The following HDAC9 variants were observed in gnomAD, a reference collection of about 807,000 sequenced individuals.
HDAC9 encodes MEF-2 interacting transcription repressor (MITR) protein.
A neutral mutation model predicts 139.4 loss-of-function variants in HDAC9; 41 were observed. The ratio of observed to expected loss-of-function variants is 0.29; its 90% CI spans 0.23 to 0.38. The LOEUF (loss-of-function observed/expected upper bound fraction) is 0.38, where lower values mean the gene tolerates loss of function less well. HDAC9 is among the 10% of genes least tolerant of loss of function. HDAC9 has a pLI of 1.00. For missense variants in HDAC9, 1,147 were observed against 1,297.0 expected (o/e 0.88, Z 1.78); for synonymous variants, 517 against 476.2 (o/e 1.09, Z -1.12).
At chr7:18,818,361 A>G (rs35993578) in intron 17 of HDAC9, among the ~76,000 whole-genome samples, 9,163 of 152,276 alleles carry the variant, frequency 0.06, 469 homozygotes, top group African/African-American at 0.14. Context: ...TATTATACAT[A>G]AAACATTTTT....
At chr7:18,900,233 C>A (rs901419896) in intron 22 of HDAC9, among the ~76,000 whole-genome samples, 9 of 152,132 alleles carry the variant, frequency 5.9e-5, no homozygotes, top group African/African-American at 1.2e-4. Context: ...TGCACCTATG[C>A]ATACTATCAT....
At position 18,859,440 on chromosome 7, in the gene HDAC9, GTTCT is replaced by G. The variant is rs146081414; in HGVS notation, c.2685-15028_2685-15025del. Among the ~76,000 whole-genome samples the G allele has an allele frequency of 5.3e-3, 802 of 151,930 alleles. 7 individuals carry two copies. The highest frequency in any genetic ancestry group is 0.018 in the African/African-American group (760 of 41,438). ...CTTCAGAACTCTATTCAGGCCCCAA[GTTCT>G]TTCTTTCTTCTCAGTCTCTTTCTGG... On this transcript the variant is annotated intron_variant, in intron 21 of 25. Coordinates refer to ENST00000686413, the MANE Select transcript of HDAC9 (RefSeq NM_178425.4).
chr7:18,853,394 G>C (rs1166571537), intron 21 of HDAC9, among the ~76,000 whole-genome samples: 1 of 152,066 alleles, frequency 6.6e-6, no homozygotes, highest in Non-Finnish European at 1.5e-5. Flanking sequence ...ATTCTGAAAA[G>C]AAAGTTTTTA....
chr7:18,279,042 A>C (rs1305110040), intron 2 of HDAC9, among the ~76,000 whole-genome samples: 1 of 152,208 alleles, frequency 6.6e-6, no homozygotes, highest in Non-Finnish European at 1.5e-5. Context: ...AAGATATCGG[A>C]CCAATCTCAG....
rs149472724 is a variant in HDAC9, at chr7:18,461,160, C to T, written c.-41-35102C>T. Among the ~76,000 whole-genome samples, 489 of 152,142 alleles carry T rather than the reference C, an allele frequency of 3.2e-3. 10 individuals are homozygous for T. The highest frequency in any genetic ancestry group is 0.02 in the Admixed American group (301 of 15,274). On this transcript the variant is annotated intron_variant, in intron 1 of 3. Coordinates refer to the HDAC9 transcript ENST00000413509. ...CACACATATATTTCTCTCAGACATACGCAGACTTTTCAGTCAGAAAAAAAA... is the reference window on the plus strand; with the variant it reads ...CACACATATATTTCTCTCAGACATATGCAGACTTTTCAGTCAGAAAAAAAA...
At chr7:18,675,630 CA>C (rs1050374523) in intron 12 of HDAC9, among the ~76,000 whole-genome samples, 12 of 151,664 alleles carry the variant, frequency 7.9e-5, no homozygotes, top group Non-Finnish European at 1.3e-4. Flanking sequence ...CTTCTGTAAT[CA>C]AAAAAAATTA....
intron 1 of HDAC9, among the ~76,000 whole-genome samples, chr7:18,128,513 A>T (rs1239523424): frequency 6.6e-6 from 1 of 152,054 alleles, no homozygotes; most frequent in African/African-American, 2.4e-5. Context: ...CTCAAGCCAC[A>T]TGAACCTTTC....
chr7:18,524,837 C>T (rs1806271728), intron 2 of HDAC9, among the ~76,000 whole-genome samples: 2 of 147,776 alleles, frequency 1.4e-5, no homozygotes, highest in Non-Finnish European at 3.0e-5. Context: ...TTTGGGTAGA[C>T]GATTTTGAAA....
intron 1 of HDAC9, among the ~76,000 whole-genome samples, chr7:18,341,500 T>C (rs1479249195): frequency 6.6e-6 from 1 of 151,746 alleles, no homozygotes; most frequent in African/African-American, 2.4e-5. Flanking sequence ...GCTAATCTTT[T>C]TTTCCTGCGA....
chr7:18,656,065 T>C (rs1190595099), intron 11 of HDAC9, among the ~76,000 whole-genome samples: 1 of 149,076 alleles, frequency 6.7e-6, no homozygotes, highest in Non-Finnish European at 1.5e-5. Context: ...TTTTTTTGCA[T>C]ATTTTGGTAG....
At chr7:18,729,204 AC>A (rs1785818877) in intron 13 of HDAC9, among the ~76,000 whole-genome samples, 1 of 152,070 alleles carries the variant, frequency 6.6e-6, no homozygotes, top group Non-Finnish European at 1.5e-5. Flanking sequence ...CTTTTATTCA[AC>A]CCTAATATTT....
chr7:18,911,188 G>T (rs1311028441), intron 22 of HDAC9, among the ~76,000 whole-genome samples: 2 of 148,836 alleles, frequency 1.3e-5, no homozygotes, highest in Non-Finnish European at 3.0e-5. Context: ...TAGGTTGTAT[G>T]TATCCAGAAA....
intron 21 of HDAC9, among the ~76,000 whole-genome samples, chr7:18,850,288 C>T (rs998469327): frequency 1.3e-5 from 2 of 152,122 alleles, no homozygotes; most frequent in Non-Finnish European, 2.9e-5. Context: ...TTCCAACGAT[C>T]TGAATGTGGA....
At chr7:18,801,693 A>C (rs1793302060) in intron 17 of HDAC9, among the ~76,000 whole-genome samples, 1 of 152,076 alleles carries the variant, frequency 6.6e-6, no homozygotes, top group African/African-American at 2.4e-5. Flanking sequence ...CTTTCCTCTA[A>C]AGTCACAGAG....
At chr7:18,122,835 C>T (rs1202378042) in intron 1 of HDAC9, among the ~76,000 whole-genome samples, 1 of 152,068 alleles carries the variant, frequency 6.6e-6, no homozygotes, top group Non-Finnish European at 1.5e-5. Context: ...GCCAGTCTGG[C>T]CTTGAACTCC....
At chr7:18,740,757 G>T (rs1787374416) in intron 13 of HDAC9, among the ~76,000 whole-genome samples, 1 of 152,166 alleles carries the variant, frequency 6.6e-6, no homozygotes, top group Non-Finnish European at 1.5e-5. Flanking sequence ...GCAAAAGCTG[G>T]GCCTCTTGTG....
chr7:18,603,165 A>G (rs376227616), intron 6 of HDAC9, among the ~76,000 whole-genome samples: 3 of 152,050 alleles, frequency 2.0e-5, no homozygotes, highest in South Asian at 4.1e-4. Flanking sequence ...ATCTTTCTCC[A>G]TTGCTTTACT....
chr7:18,829,134 C>T (rs1446984197), intron 17 of HDAC9, 27 bp from the exon 18 acceptor site: 1 of 1,562,868 alleles, frequency 6.4e-7, no homozygotes, highest in East Asian at 2.2e-5. Context: ...TATATCTGAC[C>T]ATTGAAAACC....
Position 18,495,876 on chromosome 7 carries a change from C to G in HDAC9, c.-189C>G. On this transcript the variant is annotated 5_prime_UTR_variant, in exon 1 of 26. Coordinates refer to ENST00000686413, the MANE Select transcript of HDAC9 (RefSeq NM_178425.4). ...CCAGGTTTAATTGGTTTCTTTTTCT[C>G]GTGGGTAGACTTAATAATTTTCTAC... 9.0e-7 allele frequency: 1 copy of G among 1,114,964 alleles called. No homozygotes were observed. Among genetic ancestry groups the G allele is most frequent in the Non-Finnish European group, 1.1e-6 (1 of 914,554 alleles). The allele number at this position is 1,114,964 out of a possible 1,614,324, so 69.1% of individuals were successfully genotyped here.
Sources: allele counts gnomAD v4.1 joint callset (sites outside exome capture counted in the v4.1 genomes callset), GRCh38; gene constraint gnomAD v4.1.1; transcripts MANE v1.5; gene names NCBI Gene and HGNC (gene_info 2026-07-23, HGNC 2026-07-21).